The following MMS19 variants were observed in gnomAD, a reference collection of about 807,000 sequenced individuals.
MMS19 encodes the protein MMS19 cytosolic iron-sulfur assembly component.
A neutral mutation model predicts 129.8 loss-of-function variants in MMS19; 77 were observed. The observed-to-expected ratio is 0.59, with a 90% CI of 0.49 to 0.72. MMS19 has a LOEUF of 0.72. Among genes scored for constraint, MMS19 ranks in the 30% least tolerant of loss-of-function variants. The pLI is 0.00. For synonymous variants in MMS19, 491 were observed against 502.8 expected, an observed-to-expected ratio of 0.98 and a Z score of 0.31; for missense variants, 1,168 against 1,266.3, an observed-to-expected ratio of 0.92 and a Z score of 1.18.
chr10:97,461,438 A>G (rs1333741793), intron 23 of MMS19, 58 bp downstream of exon 23: 22 of 1,577,710 alleles, frequency 1.4e-5, no homozygotes, highest in African/African-American at 2.7e-5. Flanking sequence ...GTACTGAGCT[A>G]TAAGATTTCA....
In MMS19 at chr10:97,498,321, C is replaced by A; in HGVS notation, c.64G>T (p.Asp22Tyr). ...CCCTCTTGCTGACCCACGACGAAGT[C>A]GTGCACGAGGCCCCATAGGGCACCC... Reference protein sequence around the residue: ...PMGALWGLVHDFVVGQQEGPA... With the variant: ...PMGALWGLVHYFVVGQQEGPA... Residue 22 changes from aspartate to tyrosine, a missense_variant, in exon 1 of 31, where the codon GAC (aspartate) becomes TAC (tyrosine). Coordinates refer to ENST00000438925, the MANE Select transcript of MMS19 (RefSeq NM_022362.5). 1.3e-6 allele frequency: 2 copies of A among 1,574,596 alleles called. No homozygotes were observed. The highest frequency in any genetic ancestry group is 2.3e-5 in the South Asian group (2 of 87,474).
chr10:97,478,852 AATT>A (rs1433457395), intron 3 of MMS19, among the ~76,000 whole-genome samples: 1 of 152,134 alleles, frequency 6.6e-6, no homozygotes, highest in Non-Finnish European at 1.5e-5. Context: ...GTGTGACATA[AATT>A]ATTTTTTCTG....
At chr10:97,458,971 T>G in intron 29 of MMS19, 71 bp from the exon 30 acceptor site, 1 of 1,447,616 alleles carries the variant, frequency 6.9e-7, no homozygotes, top group Non-Finnish European at 9.6e-7. Flanking sequence ...TTTGATTCTG[T>G]ACAACTAATA....
chr10:97,470,297 G>C, intron 9 of MMS19, 94 bp from the exon 10 acceptor site: 1 of 846,648 alleles, frequency 1.2e-6, no homozygotes, highest in Non-Finnish European at 2.0e-6. Flanking sequence ...CCTAAAAGCA[G>C]GTACTACATC....
chr10:97,497,925 C>T (rs2040103255), intron 1 of MMS19, among the ~76,000 whole-genome samples: 1 of 152,196 alleles, frequency 6.6e-6, no homozygotes, highest in African/African-American at 2.4e-5. Context: ...GGCGTGAGCA[C>T]CCGGTTCGGA....
intron 8 of MMS19, among the ~76,000 whole-genome samples, chr10:97,476,038 C>A (rs2035695531): frequency 6.6e-6 from 1 of 152,134 alleles, no homozygotes. Flanking sequence ...AATAGAATGC[C>A]TTTTATTTCT....
At chr10:97,460,647 GA>G (rs769082280) in intron 25 of MMS19, 47 bp downstream of exon 25, 4 of 1,491,000 alleles carry the variant, frequency 2.7e-6, no homozygotes, top group Admixed American at 1.9e-5. Flanking sequence ...GGAGCAACCA[GA>G]AAGTTTGTTT....
At chr10:97,465,588 A>G (rs1374888492) in intron 18 of MMS19, among the ~76,000 whole-genome samples, 2 of 152,270 alleles carry the variant, frequency 1.3e-5, no homozygotes, top group African/African-American at 4.8e-5. Flanking sequence ...TACAGGCAAG[A>G]GCAGCGGCCC....
chr10:97,498,588 G>A, upstream of MMS19: 1 of 607,170 alleles, frequency 1.6e-6, no homozygotes, highest in Non-Finnish European at 2.7e-6. Context: ...GGCGGCTGCT[G>A]GGCACGCAGC....
chr10:97,469,441 G>A (rs1369690892), intron 11 of MMS19, among the ~76,000 whole-genome samples: 1 of 152,190 alleles, frequency 6.6e-6, no homozygotes. Context: ...GTGATCAGCT[G>A]CTCTTACCAA....
chr10:97,498,619 T>C (rs29001244), upstream of MMS19: 397 of 525,488 alleles, frequency 7.6e-4, 5 homozygotes, highest in East Asian at 0.013. Flanking sequence ...TGAGGGCGAA[T>C]AATTCCCAGC....
rs148168138 is a variant in MMS19, at chr10:97,495,173, T to C, written c.112+3100A>G. ...TGAAGGGAATTGGGAAGGAAAGCAC[T>C]CAGGGAACTACGAATAAAGGTGGCT... On this transcript the variant is annotated intron_variant, in intron 1 of 30. Transcript: ENST00000438925. Among the ~76,000 whole-genome samples the C allele has an allele frequency of 1.1e-4, 17 of 152,260 alleles. No individual in the cohort carries two copies. The East Asian group carries it at 3.1e-3, about 28-fold the overall frequency.
In MMS19 at chr10:97,476,448, T is replaced by C. The variant is rs1217487923; in HGVS notation, c.684+235A>G. On this transcript the variant is annotated intron_variant, in intron 8 of 30. Transcript: ENST00000438925. ...GCAGGGACAGTGTTTTGCAATCCTGTAGCCTTCAGCACTAAATACAGTGTT... is the reference window on the plus strand; with the variant it reads ...GCAGGGACAGTGTTTTGCAATCCTGCAGCCTTCAGCACTAAATACAGTGTT... Among the ~76,000 whole-genome samples, 16 of 152,336 alleles carry C rather than the reference T, an allele frequency of 1.1e-4. 1 individual carries two copies. Among genetic ancestry groups the C allele is most frequent in the Admixed American group, 9.8e-4 (15 of 15,300 alleles).
At chr10:97,470,907 A>G in intron 8 of MMS19, 46 bp from the exon 9 acceptor site, 2 of 1,536,004 alleles carry the variant, frequency 1.3e-6, no homozygotes, top group Non-Finnish European at 1.8e-6. Context: ...ATTTCAGACC[A>G]CCTTGAACAC....
intron 11 of MMS19, 42 bp from the exon 12 acceptor site, chr10:97,469,146 C>A: frequency 6.5e-7 from 1 of 1,540,688 alleles, no homozygotes. Context: ...TGAGCCTGCA[C>A]CAGATGAGAC....
chr10:97,477,720 TGAA>T (rs765597513), intron 5 of MMS19, 132 bp downstream of exon 5: 55 of 690,768 alleles, frequency 8.0e-5, no homozygotes, highest in African/African-American at 6.3e-4. Context: ...ATAAACATAC[TGAA>T]GAAGAGCATA....
Position 97,459,503 on chromosome 10 carries a change from G to C in MMS19, c.2763C>G (p.Ala921=). The C allele has an allele frequency of 6.2e-7, 1 of 1,613,066 alleles. No individual in the cohort carries two copies. The highest frequency in any genetic ancestry group is 2.2e-5 in the East Asian group (1 of 44,846). The change falls in exon 28 of 31, where the codon GCC becomes GCG. Residue 921 remains alanine (A), a synonymous_variant. Transcript: ENST00000438925. ...GCACCACACAGTCAGGGCAGGACAG[G>C]GCCTCCAGCAGCAAGGAAAGAAGCT... The part of the protein sequence containing the change: ...LPTLLSLLLE[A]LSCPDCVVQL...
chr10:97,481,060 A>C lies in MMS19; in HGVS notation c.162-18T>G. The C allele has an allele frequency of 7.0e-7, 1 of 1,428,364 alleles. No individual in the cohort carries two copies. Among genetic ancestry groups the C allele is most frequent in the Admixed American group, 1.8e-5 (1 of 55,692 alleles). 88.5% of individuals were successfully genotyped at this position (1,428,364 alleles called of 1,614,324 possible). The stretch of plus-strand genomic sequence containing the variant: ...GAGAGGACCTAGGGGAAAACAGGAT[A>C]GAGAGAACCTGCAATTACCCAGTTC... On this transcript the variant is annotated intron_variant, in intron 2 of 30. Transcript: ENST00000438925.
At chr10:97,477,291 G>C in intron 6 of MMS19, 56 bp downstream of exon 6, 2 of 1,613,568 alleles carry the variant, frequency 1.2e-6, no homozygotes, top group Non-Finnish European at 1.7e-6. Context: ...CTACTAATAG[G>C]GGAAAAAGTA....
Sources: allele counts gnomAD v4.1 joint callset (sites outside exome capture counted in the v4.1 genomes callset), GRCh38; gene constraint gnomAD v4.1.1; transcripts MANE v1.5; gene names NCBI Gene and HGNC (gene_info 2026-07-23, HGNC 2026-07-21).